Variants in MAGI2 observed in about 807,000 individuals in gnomAD.
MAGI2 encodes the protein membrane associated guanylate kinase, WW and PDZ domain containing 2.
Under a neutral mutation model 133.3 loss-of-function variants are expected in MAGI2, and 35 were observed. The observed-to-expected ratio is 0.26, with a 90% confidence interval of 0.20 to 0.35. The LOEUF (loss-of-function observed/expected upper bound fraction) is 0.35. MAGI2 is among the 10% of genes least tolerant of loss of function. The pLI is 1.00. For missense variants in MAGI2, 1,636 were observed against 1,863.4 expected, an observed-to-expected ratio of 0.88 and a Z score of 2.25; for synonymous variants, 729 against 710.6, an observed-to-expected ratio of 1.03 and a Z score of -0.41.
At position 78,209,728 on chromosome 7, in the gene MAGI2, C is replaced by T. The variant is rs542660088; in HGVS notation, c.2048-8535G>A. Among the ~76,000 whole-genome samples the T allele has an allele frequency of 3.9e-5, 6 of 152,298 alleles. 1 individual carries two copies. Among genetic ancestry groups the T allele is most frequent in the Middle Eastern group, 3.4e-3 (1 of 294 alleles). On this transcript the variant is annotated intron_variant, in intron 10 of 21. Transcript: ENST00000354212. Reference sequence around the variant, plus strand: ...TGAGCTGAAACAACAGCAAATTTGACGATGTCACTGAATTTGATTATGCTT... The same window carrying T: ...TGAGCTGAAACAACAGCAAATTTGATGATGTCACTGAATTTGATTATGCTT...
chr7:79,408,046 C>G (rs948798786), intron 1 of MAGI2, among the ~76,000 whole-genome samples: 1 of 152,062 alleles, frequency 6.6e-6, no homozygotes, highest in Non-Finnish European at 1.5e-5. Flanking sequence ...TACTTTGGTA[C>G]AGCTTCTCTG....
intron 1 of MAGI2, among the ~76,000 whole-genome samples, chr7:79,345,848 C>T (rs893991258): frequency 1.3e-5 from 2 of 152,024 alleles, no homozygotes; most frequent in Non-Finnish European, 2.9e-5. Flanking sequence ...ATTTTGCATT[C>T]ACTATTTCCT....
chr7:78,360,133 GAAT>G (rs1792623698), intron 7 of MAGI2, among the ~76,000 whole-genome samples: 2 of 152,162 alleles, frequency 1.3e-5, no homozygotes, highest in South Asian at 4.1e-4. Flanking sequence ...GATGCCCAAA[GAAT>G]AATATCAGTC....
chr7:78,727,774 G>A (rs1281494050), intron 2 of MAGI2, among the ~76,000 whole-genome samples: 3 of 152,280 alleles, frequency 2.0e-5, no homozygotes, highest in East Asian at 3.9e-4. Context: ...ATAAAGTCTA[G>A]ACATCTGTTA....
intron 1 of MAGI2, among the ~76,000 whole-genome samples, chr7:79,068,502 G>A (rs1341584817): frequency 6.6e-6 from 1 of 151,800 alleles, no homozygotes; most frequent in Non-Finnish European, 1.5e-5. Context: ...TATTAGTCTG[G>A]CTAGTGGTCT....
At chr7:79,331,204 T>G (rs1253350596) in intron 1 of MAGI2, among the ~76,000 whole-genome samples, 1 of 152,184 alleles carries the variant, frequency 6.6e-6, no homozygotes, top group African/African-American at 2.4e-5. Flanking sequence ...AATTACTAAA[T>G]TTAAAGGCTT....
chr7:79,444,728 G>C (rs990750331), intron 1 of MAGI2, among the ~76,000 whole-genome samples: 1 of 152,048 alleles, frequency 6.6e-6, no homozygotes, highest in Non-Finnish European at 1.5e-5. Context: ...TGTGAAAATG[G>C]CCATACTGCC....
chr7:78,957,367 T>C (rs1802478748), intron 2 of MAGI2, among the ~76,000 whole-genome samples: 1 of 151,974 alleles, frequency 6.6e-6, no homozygotes, highest in Non-Finnish European at 1.5e-5. Context: ...GCATACATGT[T>C]TTCTAAAATG....
At chr7:78,320,982 A>G (rs1026428547) in intron 9 of MAGI2, among the ~76,000 whole-genome samples, 6 of 151,784 alleles carry the variant, frequency 4.0e-5, no homozygotes, top group Non-Finnish European at 8.8e-5. Flanking sequence ...ACCAATAACA[A>G]ACAGACAGCC....
At chr7:78,806,255 T>C (rs932527562) in intron 2 of MAGI2, among the ~76,000 whole-genome samples, 1 of 152,176 alleles carries the variant, frequency 6.6e-6, no homozygotes, top group Non-Finnish European at 1.5e-5. Context: ...TCTTAATTTA[T>C]TGGACTGTAG....
intron 3 of MAGI2, among the ~76,000 whole-genome samples, chr7:78,613,573 C>A (rs1806711707): frequency 6.6e-6 from 1 of 152,066 alleles, no homozygotes; most frequent in African/African-American, 2.4e-5. Flanking sequence ...AGTAAAAGTA[C>A]AGAAAGCAAA....
chr7:78,019,451 C>T lies in MAGI2; in HGVS notation c.4232G>A (p.Gly1411Asp), dbSNP rs996377817. 2.2e-5 allele frequency: 22 copies of T among 983,750 alleles called. No individual in the cohort carries two copies. The highest frequency in any genetic ancestry group is 2.0e-5 in the Non-Finnish European group (17 of 830,694). 60.9% of individuals were successfully genotyped at this position (983,750 alleles called of 1,614,324 possible). A position where few individuals can be genotyped will look rare whatever the true frequency, so the allele number is the denominator to read the frequency against. The change falls in exon 22 of 22, where the codon GGT (glycine) becomes GAT (aspartate). Residue 1411 changes from glycine (G) to aspartate (D), a missense_variant. Gly to Asp is a moderately conservative substitution (Grantham distance 94). Transcript: ENST00000354212. Reference protein sequence around the residue: ...EAEGRAGARAGPRPGPRPPGG... With the variant: ...EAEGRAGARADPRPGPRPPGG... ...CGGGGGTCGCGGGCCCGGCCGGGGA[C>T]CCGCGCGCGCACCCGCCCTGCCCTC...
chr7:79,269,375 G>C (rs1834709154), intron 1 of MAGI2, among the ~76,000 whole-genome samples: 1 of 152,122 alleles, frequency 6.6e-6, no homozygotes, highest in Non-Finnish European at 1.5e-5. Context: ...ATGAAATATG[G>C]GTTGCTCAGA....
At chr7:78,495,356 T>C (rs1339083453) in intron 5 of MAGI2, among the ~76,000 whole-genome samples, 1 of 152,122 alleles carries the variant, frequency 6.6e-6, no homozygotes, top group East Asian at 1.9e-4. Flanking sequence ...AGTGAGAACA[T>C]GCGGTGTTTG....
At chr7:78,343,994 G>C in intron 8 of MAGI2, 34 bp from the exon 9 acceptor site, 1 of 1,585,786 alleles carries the variant, frequency 6.3e-7, no homozygotes. Context: ...AAAAGAAAAA[G>C]GCATGTTCAA....
At chr7:78,851,124 G>C (rs1793093218) in intron 2 of MAGI2, among the ~76,000 whole-genome samples, 1 of 151,886 alleles carries the variant, frequency 6.6e-6, no homozygotes, top group Non-Finnish European at 1.5e-5. Flanking sequence ...TTTTTTCGTA[G>C]AGAAGATAAG....
rs199933554 is a variant in MAGI2 at position 79,292,770 on chromosome 7, C to CAAAAAAAAAAA, written c.301+160239_301+160249dup. 1.3e-3 allele frequency among the ~76,000 whole-genome samples: 73 copies of CAAAAAAAAAAA among 57,398 alleles called. 22 individuals carry two copies. Among genetic ancestry groups the CAAAAAAAAAAA allele is most frequent in the Non-Finnish European group, 1.6e-3 (49 of 31,352 alleles). 37.7% of individuals were successfully genotyped at this position (57,398 alleles called of 152,430 possible). A position where few individuals can be genotyped will look rare whatever the true frequency, so the allele number is the denominator to read the frequency against. ...TTTTGGACCACTTTGTCAATTTCTG[C>CAAAAAAAAAAA]AAAAAAAAAAAAAAAAAAAAAAAAA... On this transcript the variant is annotated intron_variant, in intron 1 of 21. Coordinates refer to ENST00000354212, the MANE Select transcript of MAGI2 (RefSeq NM_012301.4).
chr7:78,255,873 T>G, intron 10 of MAGI2, 70 bp downstream of exon 10: 1 of 1,451,324 alleles, frequency 6.9e-7, no homozygotes, highest in South Asian at 1.2e-5. Flanking sequence ...AATCTGCATT[T>G]TAACAATATT....
chr7:78,069,396 T>C (rs888659018), intron 21 of MAGI2, among the ~76,000 whole-genome samples: 1 of 152,066 alleles, frequency 6.6e-6, no homozygotes, highest in Non-Finnish European at 1.5e-5. Context: ...CCAGAGGGTA[T>C]GTGGAGAGCG....
Sources: allele counts gnomAD v4.1 joint callset (sites outside exome capture counted in the v4.1 genomes callset), GRCh38; gene constraint gnomAD v4.1.1; transcripts MANE v1.5; gene names NCBI Gene and HGNC (gene_info 2026-07-23, HGNC 2026-07-21).